NLRP2: variants seen among roughly 807,000 people sequenced by gnomAD.
The protein encoded by NLRP2 is NACHT, LRR and PYD domains-containing protein 2.
NLRP2 carries 107 observed loss-of-function variants against 97.2 expected under a neutral mutation model. That is an observed-to-expected ratio of 1.10 (90% CI 0.94 to 1.29). The LOEUF is 1.29. Among genes scored for constraint, NLRP2 ranks in the 50% most tolerant of loss-of-function variants. The pLI, the probability that NLRP2 is intolerant of heterozygous loss-of-function variation, is 0.00. For missense variants in NLRP2, 1,495 were observed against 1,330.3 expected (o/e 1.12, Z -1.93); for synonymous variants, 663 against 551.5 (o/e 1.20, Z -2.83).
intron 4 of NLRP2, among the ~76,000 whole-genome samples, chr19:54,978,143 C>G (rs2071363611): frequency 6.6e-6 from 1 of 152,046 alleles, no homozygotes; most frequent in Admixed American, 6.6e-5. Context: ...ACTGTAACCT[C>G]CACCTCCCAG....
At chr19:54,981,233 G>A (rs891990696) in intron 4 of NLRP2, among the ~76,000 whole-genome samples, 10 of 152,080 alleles carry the variant, frequency 6.6e-5, no homozygotes, top group South Asian at 4.2e-4. Context: ...GCAGTAGTGC[G>A]ATCTCTTACT....
upstream of NLRP2, chr19:54,966,157 C>G (rs921976069): frequency 1.3e-4 from 19 of 151,544 alleles, no homozygotes; most frequent in African/African-American, 4.6e-4. Context: ...TCTGGGCAGT[C>G]CCAGTGTAAC....
At chr19:54,973,114 C>T (rs2070971327) in intron 2 of NLRP2, among the ~76,000 whole-genome samples, 1 of 151,500 alleles carries the variant, frequency 6.6e-6, no homozygotes, top group African/African-American at 2.4e-5. Context: ...TTGCTTGAAC[C>T]AGAGAGTCAG....
At chr19:54,981,588 T>A in intron 4 of NLRP2, 29 bp from the exon 5 acceptor site, 4 of 1,332,318 alleles carry the variant, frequency 3.0e-6, no homozygotes, top group Non-Finnish European at 4.2e-6. Context: ...TGATTTTGTG[T>A]CAATCTCACA....
At chr19:55,000,298 TTTTTTTTTTTTG>T (rs2073107849) in intron 12 of NLRP2, among the ~76,000 whole-genome samples, 20 of 83,474 alleles carry the variant, frequency 2.4e-4, no homozygotes, top group Admixed American at 5.5e-4. Flanking sequence ...TTTTTTTTTT[TTTTTTTTTTTTG>T]AGATCGCCCA....
chr19:54,982,526 C>T lies in NLRP2; in HGVS notation c.828C>T (p.Ile276=). The T allele has an allele frequency of 6.2e-7, 1 of 1,614,190 alleles. No homozygotes were observed. Among genetic ancestry groups the T allele is most frequent in the Non-Finnish European group, 8.5e-7 (1 of 1,180,042 alleles). The change falls in exon 6 of 13, where the codon ATC becomes ATT. Residue 276 remains isoleucine, a synonymous_variant. Transcript: ENST00000448584. The part of the protein sequence containing the change: ...WPELQDDIPH[I]LAQARKILFV... ...AATTGCAGGATGACATTCCACACAT[C>T]CTAGCCCAAGCACGGAAAATCTTGT... is the stretch of plus-strand genomic sequence containing the variant.
rs780234149 is a variant in NLRP2 at position 54,970,252 on chromosome 19, G to A, written c.237G>A (p.Met79Ile). Residue 79 changes from methionine to isoleucine, a missense_variant, in exon 2 of 13, where the codon ATG becomes ATA. Coordinates refer to ENST00000448584, the MANE Select transcript of NLRP2 (RefSeq NM_017852.5). ...EMASLQVFEK[M>I]HRMDLSERAK... is the part of the protein sequence containing the mutation. ...CGAGCCTCCAGGTCTTTGAAAAGAT[G>A]CACCGAATGGATCTGTCTGAGAGAG... 9.3e-6 allele frequency: 15 copies of A among 1,614,176 alleles called. No individual in the cohort carries two copies. Among genetic ancestry groups the A allele is most frequent in the Non-Finnish European group, 1.3e-5 (15 of 1,180,036 alleles).
In NLRP2 at chr19:54,982,517, T is replaced by G. The variant is rs1165778965; in HGVS notation, c.819T>G (p.Ile273Met). ...FRDWPELQDD[I>M]PHILAQARKI... ...ACTGGCCTGAATTGCAGGATGACATTCCACACATCCTAGCCCAAGCACGGA... is the reference window on the plus strand; with the variant it reads ...ACTGGCCTGAATTGCAGGATGACATGCCACACATCCTAGCCCAAGCACGGA... The change falls in exon 6 of 13, where the codon ATT (isoleucine) becomes ATG (methionine). Residue 273 changes from isoleucine (I) to methionine (M), a missense_variant. By Grantham distance (10) the Ile-to-Met change is conservative (BLOSUM62 1). Coordinates refer to ENST00000448584, the MANE Select transcript of NLRP2 (RefSeq NM_017852.5). 1.2e-6 allele frequency: 2 copies of G among 1,614,154 alleles called. No individual in the cohort carries two copies. The highest frequency in any genetic ancestry group is 1.7e-5 in the Admixed American group (1 of 60,012).
chr19:54,977,948 C>T (rs1184108625), intron 4 of NLRP2, 125 bp downstream of exon 4: 3 of 890,854 alleles, frequency 3.4e-6, no homozygotes, highest in Non-Finnish European at 5.4e-6. Flanking sequence ...TTAATGTGCC[C>T]ACTGTCTCCT....
Position 54,990,368 on chromosome 19 carries a change from A to G in NLRP2, c.2538-134A>G, listed in dbSNP as rs913223702. 148 of 1,119,936 alleles carry G rather than the reference A, an allele frequency of 1.3e-4. 1 individual carries two copies. The highest frequency in any genetic ancestry group is 5.1e-5 in the Non-Finnish European group (38 of 739,396). The allele number at this position is 1,119,936 out of a possible 1,614,324, so 69.4% of individuals were successfully genotyped here. A position where few individuals can be genotyped will look rare whatever the true frequency, so the allele number is the denominator to read the frequency against. ...GTTCTTCTCTCATTCCTATTCCTTC[A>G]TAGGATCACCAGTGCATGATAGAAG... On this transcript the variant is annotated intron_variant, in intron 9 of 12. Coordinates refer to ENST00000448584, the MANE Select transcript of NLRP2 (RefSeq NM_017852.5).
chr19:55,000,573 C>A (rs745774837), intron 12 of NLRP2, among the ~76,000 whole-genome samples, 187 bp from the exon 13 acceptor site: 3 of 149,806 alleles, frequency 2.0e-5, no homozygotes, highest in Non-Finnish European at 4.4e-5. Context: ...GCCATCACGC[C>A]CCACCTGAGA....
intron 4 of NLRP2, among the ~76,000 whole-genome samples, chr19:54,980,084 A>G (rs184297226): frequency 2.5e-4 from 38 of 149,914 alleles, no homozygotes; most frequent in African/African-American, 8.8e-4. Context: ...CTAGCACACA[A>G]TCTTGACAAA....
At chr19:54,995,254 G>A (rs531199713) in intron 11 of NLRP2, among the ~76,000 whole-genome samples, 6 of 142,136 alleles carry the variant, frequency 4.2e-5, no homozygotes, top group East Asian at 2.2e-4. Context: ...GTAATGGCGC[G>A]ATCTCAGCTC....
intron 3 of NLRP2, among the ~76,000 whole-genome samples, chr19:54,975,264 G>C (rs966384429): frequency 6.7e-6 from 1 of 148,862 alleles, no homozygotes; most frequent in Non-Finnish European, 1.5e-5. Flanking sequence ...GGGACCACAG[G>C]CACTTGCCAC....
At chr19:54,973,047 C>T (rs891304313) in intron 2 of NLRP2, among the ~76,000 whole-genome samples, 5 of 151,852 alleles carry the variant, frequency 3.3e-5, no homozygotes, top group Admixed American at 6.6e-5. Flanking sequence ...AAAAATCAGC[C>T]GGGCGTGGTG....
rs576285593 is a variant in NLRP2, at chr19:54,970,377, G to A, written c.280+82G>A. 9.2e-5 allele frequency: 141 copies of A among 1,536,514 alleles called. 1 individual carries two copies. Among genetic ancestry groups the A allele is most frequent in the Admixed American group, 3.4e-4 (20 of 58,868 alleles). ...ACTTTAGAAATTCAGAAGGCCAGGC[G>A]CGCTGGCTCACGCCTGTCGTCCCAG... On this transcript the variant is annotated intron_variant, in intron 2 of 12. Transcript: ENST00000448584.
At chr19:54,967,817 CTT>C in intron 1 of NLRP2, among the ~76,000 whole-genome samples, 1 of 151,884 alleles carries the variant, frequency 6.6e-6, no homozygotes. Context: ...GGACCTGAGT[CTT>C]ATGCAAATAC....
chr19:54,997,579 T>G (rs1371079073), intron 12 of NLRP2, 92 bp downstream of exon 12: 1 of 1,326,174 alleles, frequency 7.5e-7, no homozygotes, highest in African/African-American at 1.4e-5. Context: ...GAGACTGATC[T>G]GGTAGCTGGA....
intron 10 of NLRP2, chr19:54,994,065 C>T: frequency 1.5e-6 from 1 of 656,178 alleles, no homozygotes; most frequent in Non-Finnish European, 2.7e-6. Flanking sequence ...TACGAGGTCC[C>T]TTTTGCTCGC....
Sources: allele counts gnomAD v4.1 joint callset (sites outside exome capture counted in the v4.1 genomes callset), GRCh38; gene constraint gnomAD v4.1.1; transcripts MANE v1.5; gene names NCBI Gene and HGNC (gene_info 2026-07-23, HGNC 2026-07-21).